The following TMC1 variants were observed in gnomAD, a reference collection of about 807,000 sequenced individuals.
TMC1 encodes transmembrane channel like 1.
In TMC1, 84 loss-of-function variants were observed where a neutral mutation model predicts 105.8. The observed-to-expected ratio is 0.79, with a 90% CI of 0.67 to 0.95. The LOEUF (loss-of-function observed/expected upper bound fraction) is 0.95. Ranked by LOEUF, TMC1 falls within the 40% of genes least tolerant of loss-of-function variation. The pLI, the probability that TMC1 is intolerant of heterozygous loss-of-function variation, is 0.00. For missense variants in TMC1, 817 were observed against 914.1 expected (o/e 0.89, Z 1.37); for synonymous variants, 315 against 311.5 (o/e 1.01, Z -0.12).
intron 1 of TMC1, among the ~76,000 whole-genome samples, chr9:72,530,822 ATTT>A: frequency 7.5e-6 from 1 of 133,760 alleles, no homozygotes; most frequent in African/African-American, 2.7e-5. Context: ...TTCTGCCATG[ATTT>A]TTTTTTTTTT....
rs374960802 is a variant in TMC1, at chr9:72,573,682, CA to C, written c.-427-4219del. Among the ~76,000 whole-genome samples, 750 of 152,282 alleles carry C rather than the reference CA, an allele frequency of 4.9e-3. 5 individuals are homozygous for C. The highest frequency in any genetic ancestry group is 0.017 in the African/African-American group (706 of 41,560). On this transcript the variant is annotated intron_variant, in intron 1 of 23. Coordinates refer to ENST00000297784, the MANE Select transcript of TMC1 (RefSeq NM_138691.3). ...AATCATTCTCGGAGAAAAACAGACT[CA>C]TTTCATCTCCCTTTAATTAGGATTT...
At chr9:72,812,431 AGT>A (rs1243107350) in intron 18 of TMC1, among the ~76,000 whole-genome samples, 2 of 152,226 alleles carry the variant, frequency 1.3e-5, no homozygotes, top group African/African-American at 2.4e-5. Context: ...ATCTGTCTGC[AGT>A]TAACAGGATC....
intron 2 of TMC1, among the ~76,000 whole-genome samples, chr9:72,586,019 G>A (rs1217278942): frequency 6.6e-6 from 1 of 152,194 alleles, no homozygotes; most frequent in Non-Finnish European, 1.5e-5. Flanking sequence ...ACCAGCAGCT[G>A]CATCGAATCT....
At chr9:72,539,167 G>A (rs1264085573) in intron 1 of TMC1, among the ~76,000 whole-genome samples, 1 of 151,846 alleles carries the variant, frequency 6.6e-6, no homozygotes, top group African/African-American at 2.4e-5. Flanking sequence ...CAGATCAATT[G>A]GGCTCAGGAG....
At chr9:72,559,083 G>T (rs539073406) in intron 1 of TMC1, among the ~76,000 whole-genome samples, 2 of 151,674 alleles carry the variant, frequency 1.3e-5, no homozygotes, top group Non-Finnish European at 2.9e-5. Flanking sequence ...TAAGAAATGA[G>T]CCTGGAAGAT....
At chr9:72,823,676 G>A (rs1828907542) in intron 20 of TMC1, among the ~76,000 whole-genome samples, 1 of 152,186 alleles carries the variant, frequency 6.6e-6, no homozygotes, top group South Asian at 2.1e-4. Flanking sequence ...TCCAGATGAA[G>A]GCAATTCTAA....
intron 3 of TMC1, among the ~76,000 whole-genome samples, chr9:72,622,522 C>G (rs1825271833): frequency 1.3e-5 from 2 of 152,114 alleles, no homozygotes; most frequent in African/African-American, 4.8e-5. Context: ...ATGCCTGGGC[C>G]TCTTAGAGTC....
chr9:72,562,535 A>G (rs1490799707), intron 1 of TMC1, among the ~76,000 whole-genome samples: 1 of 152,224 alleles, frequency 6.6e-6, no homozygotes, highest in East Asian at 1.9e-4. Context: ...ACTAGGAGAA[A>G]GTAAGACAAT....
chr9:72,669,404 G>C (rs1014642197), intron 5 of TMC1, among the ~76,000 whole-genome samples: 4 of 152,088 alleles, frequency 2.6e-5, no homozygotes, highest in Non-Finnish European at 5.9e-5. Flanking sequence ...AGATATGACT[G>C]CAAAAATTTT....
At chr9:72,795,635 A>G (rs1828351088) in intron 17 of TMC1, among the ~76,000 whole-genome samples, 1 of 152,216 alleles carries the variant, frequency 6.6e-6, no homozygotes, top group African/African-American at 2.4e-5. Context: ...TTTACAAGAC[A>G]TCTTGAAAGG....
intron 5 of TMC1, among the ~76,000 whole-genome samples, chr9:72,672,823 A>AACACACACACACAC (rs34028814): frequency 2.1e-5 from 3 of 139,834 alleles, no homozygotes; most frequent in African/African-American, 8.0e-5. Flanking sequence ...AAGCCTGGGC[A>AACACACACACACAC]ACACACACAC....
chr9:72,528,745 C>T (rs1397364319), intron 1 of TMC1, among the ~76,000 whole-genome samples: 2 of 152,142 alleles, frequency 1.3e-5, no homozygotes, highest in Admixed American at 6.5e-5. Context: ...GTCCTGCTCC[C>T]ACTATTTTCA....
chr9:72,625,581 A>T (rs190260743), intron 3 of TMC1, among the ~76,000 whole-genome samples: 25 of 151,698 alleles, frequency 1.6e-4, no homozygotes, highest in Admixed American at 9.2e-4. Context: ...CCAGCTACTC[A>T]GGAGGCTGAG....
chr9:72,726,292 T>C (rs1564516358), intron 8 of TMC1, among the ~76,000 whole-genome samples: 1 of 152,200 alleles, frequency 6.6e-6, no homozygotes, highest in Non-Finnish European at 1.5e-5. Flanking sequence ...TATGTGTGCA[T>C]GTACATATAA....
intron 10 of TMC1, among the ~76,000 whole-genome samples, chr9:72,748,072 G>A (rs1399845884): frequency 1.3e-5 from 2 of 152,034 alleles, no homozygotes; most frequent in African/African-American, 2.4e-5. Flanking sequence ...CATGTTTATT[G>A]TATATATCAT....
chr9:72,648,480 G>T, intron 4 of TMC1, 117 bp from the exon 5 acceptor site: 1 of 692,572 alleles, frequency 1.4e-6, no homozygotes, highest in Non-Finnish European at 2.6e-6. Context: ...GTGAGGAAAT[G>T]AGTACCTTCT....
chr9:72,643,999 G>A (rs1825669448), intron 4 of TMC1, among the ~76,000 whole-genome samples: 1 of 151,962 alleles, frequency 6.6e-6, no homozygotes, highest in East Asian at 1.9e-4. Context: ...TCTCACTGTT[G>A]TTTTAATTTG....
At chr9:72,772,653 G>C (rs1264909965) in intron 13 of TMC1, 98 bp downstream of exon 13, 2 of 1,493,038 alleles carry the variant, frequency 1.3e-6, no homozygotes, top group East Asian at 4.5e-5. Flanking sequence ...GCTATTTTAT[G>C]TCTAAAGGAA....
At chr9:72,793,350 GT>G (rs1828308390) in intron 17 of TMC1, among the ~76,000 whole-genome samples, 1 of 152,150 alleles carries the variant, frequency 6.6e-6, no homozygotes, top group Non-Finnish European at 1.5e-5. Flanking sequence ...CGGTAGAAAT[GT>G]TGCACCTCCC....
Sources: gnomAD v4.1 joint callset for allele counts (sites outside exome capture counted in the v4.1 genomes callset) on GRCh38, gnomAD v4.1.1 for gene constraint, MANE v1.5 for transcripts, NCBI Gene and HGNC (gene_info 2026-07-23, HGNC 2026-07-21) for gene names.